The following LRP1 variants were observed in gnomAD, a reference collection of about 807,000 sequenced individuals.
LRP1 encodes prolow-density lipoprotein receptor-related protein 1.
In LRP1, 51 loss-of-function variants were observed where a neutral mutation model predicts 541.5. That is an observed-to-expected ratio of 0.09 (90% confidence interval 0.08 to 0.12). The LOEUF (loss-of-function observed/expected upper bound fraction) is 0.12, where lower values mean the gene tolerates loss of function less well. LRP1 is among the 10% of genes least tolerant of loss of function. The pLI is 1.00. For missense variants in LRP1, 3,878 were observed against 6,376.2 expected (o/e 0.61, Z 13.34); for synonymous variants, 2,219 against 2,470.8 (o/e 0.90, Z 3.02).
intron 61 of LRP1, 118 bp from the exon 62 acceptor site, chr12:57,199,759 C>T (rs1197329224): frequency 1.6e-6 from 2 of 1,243,148 alleles, no homozygotes; most frequent in African/African-American, 1.5e-5. Context: ...CCAGCTTCAG[C>T]TCCCTCCTAA....
Position 57,179,603 on chromosome 12 carries a change from C to T in LRP1, c.4966+47C>T. 1.3e-6 allele frequency: 2 copies of T among 1,550,210 alleles called. No individual in the cohort carries two copies. Among genetic ancestry groups the T allele is most frequent in the Admixed American group, 1.7e-5 (1 of 59,420 alleles). ...CCACCAGTGGACATGGGCACCTCCA[C>T]CCGCCCCTTGCTCCCAACCCTGGTC... On this transcript the variant is annotated intron_variant, in intron 29 of 88. Transcript: ENST00000243077. This position sits in a 1 kb window ranked among gnomAD's most constrained non-coding sequence, Gnocchi z 6.8.
In LRP1 at chr12:57,211,586, C is replaced by T; in HGVS notation, c.13191C>T (p.Cys4397=). 1.2e-6 allele frequency: 2 copies of T among 1,613,938 alleles called. No individual in the cohort carries two copies. The highest frequency in any genetic ancestry group is 1.7e-6 in the Non-Finnish European group (2 of 1,179,874). Residue 4397 remains cysteine, a splice_region_variant and synonymous_variant, in exon 85 of 89, where the codon TGC becomes TGT. Transcript: ENST00000243077. The surrounding 1 kb of genome is among the most constrained non-coding windows in gnomAD (Gnocchi z 4.3). ...TGAACAGCAAAATGATGCCTGAGTG[C>T]CAGTGAGTTGGGCCCGGGCTTCACC... ...CTMNSKMMPE[C]QCPPHMTGPR...
At chr12:57,171,122 G>C (rs2035936698) in intron 20 of LRP1, among the ~76,000 whole-genome samples, 1 of 152,182 alleles carries the variant, frequency 6.6e-6, no homozygotes, top group African/African-American at 2.4e-5. Context: ...AGGCTGTGTG[G>C]TGTGGTGAGA....
intron 4 of LRP1, 66 bp from the exon 5 acceptor site, chr12:57,144,893 TTGATCATGTCTGA>T: frequency 7.2e-7 from 1 of 1,383,418 alleles, no homozygotes; most frequent in Non-Finnish European, 1.0e-6. Context: ...GATGGACATG[TTGATCATGTCTGA>T]TGATCACCCA....
At chr12:57,202,372 T>C in intron 67 of LRP1, 49 bp from the exon 68 acceptor site, 2 of 1,402,912 alleles carry the variant, frequency 1.4e-6, no homozygotes, top group East Asian at 4.6e-5. Flanking sequence ...TGGACCCTAA[T>C]GTCTGCCCCA....
rs199825634 is a variant in LRP1, at chr12:57,196,132, G to A, written c.8747G>A (p.Arg2916His). 3.9e-5 allele frequency: 62 copies of A among 1,609,820 alleles called. No homozygotes were observed. The East Asian group carries it at 8.5e-4, about 22-fold the overall frequency. ...ASSQFLCSSG[R>H]CVAEALLCNG... ...TCACAGTTCCTGTGCAGCAGTGGGC[G>A]CTGTGTGGCTGAGGCACTGCTCTGC... The change falls in exon 55 of 89, where the codon CGC (arginine) becomes CAC (histidine). Residue 2916 changes from arginine (R) to histidine (H), a missense_variant. Physicochemically the swap from Arg to His is conservative, Grantham distance 29 (BLOSUM62 0). Transcript: ENST00000243077.
chr12:57,160,495 C>T (rs2035707184), intron 12 of LRP1, among the ~76,000 whole-genome samples: 1 of 152,148 alleles, frequency 6.6e-6, no homozygotes, highest in Non-Finnish European at 1.5e-5. Context: ...ACTCATGCCA[C>T]CTCCTCATGG....
chr12:57,161,157 G>C, intron 13 of LRP1, 42 bp downstream of exon 13: 2 of 1,585,672 alleles, frequency 1.3e-6, no homozygotes, highest in Middle Eastern at 3.4e-4. Context: ...TGTGTGTGTT[G>C]CTAGACCATG....
At chr12:57,172,180 C>CT (rs905079634) in intron 20 of LRP1, among the ~76,000 whole-genome samples, 35 of 142,364 alleles carry the variant, frequency 2.5e-4, no homozygotes, top group Non-Finnish European at 3.2e-4. Context: ...TCTTTTCTTT[C>CT]TTTTTTTTTT....
At chr12:57,202,732 C>A (rs2036683892) in intron 68 of LRP1, 195 bp downstream of exon 68, 1 of 606,878 alleles carries the variant, frequency 1.6e-6, no homozygotes, top group Non-Finnish European at 3.0e-6. Flanking sequence ...TGTTTCTCTC[C>A]ATTTTCACAC....
rs1592669270 is a variant in LRP1, at chr12:57,212,817, A to C, written c.*262A>C. 5 of 415,912 alleles carry C rather than the reference A, an allele frequency of 1.2e-5. No homozygotes were observed. Among genetic ancestry groups the C allele is most frequent in the East Asian group, 4.4e-5 (1 of 22,550 alleles). The allele number at this position is 415,912 out of a possible 1,614,324, so 25.8% of individuals were successfully genotyped here. ...GGGAGGGCTTGGGGCTGCACCTCCT[A>C]CCCTCCCACCAGAACGCACCCCACT... On this transcript the variant is annotated 3_prime_UTR_variant, in exon 89 of 89. Transcript: ENST00000243077. This position sits in a 1 kb window ranked among gnomAD's most constrained non-coding sequence, Gnocchi z 5.0.
rs757963812 is a variant in LRP1, at chr12:57,180,289, C to T, written c.5237-41C>T. The stretch of plus-strand genomic sequence containing the variant: ...TCTGCTCCCTTCCCTGGATCCCCAG[C>T]CCTGGGCCAGACTCCCCGGCAGTGA... On this transcript the variant is annotated intron_variant, in intron 31 of 88. Transcript: ENST00000243077. 5.0e-6 allele frequency: 8 copies of T among 1,609,868 alleles called. No homozygotes were observed. In the East Asian group the frequency reaches 1.3e-4, roughly 27 times the overall value.
chr12:57,160,036 A>T (rs2035696064), intron 12 of LRP1, 31 bp downstream of exon 12: 1 of 1,606,814 alleles, frequency 6.2e-7, no homozygotes, highest in African/African-American at 1.3e-5. Flanking sequence ...GGGTGGGAGG[A>T]GCTGGGAGTG....
intron 6 of LRP1, chr12:57,147,591 G>A (rs950329140): frequency 6.6e-6 from 1 of 152,228 alleles, no homozygotes. Flanking sequence ...TGGACCCCTG[G>A]GGCTGAGCCT....
At position 57,197,700 on chromosome 12, in the gene LRP1, C is replaced by T. The variant is rs774237345; in HGVS notation, c.9282+36C>T. 3.6e-5 allele frequency: 57 copies of T among 1,603,730 alleles called. No homozygotes were observed. The highest frequency in any genetic ancestry group is 4.5e-5 in the Non-Finnish European group (53 of 1,176,444). On this transcript the variant is annotated intron_variant, in intron 58 of 88. Transcript: ENST00000243077. The surrounding 1 kb of genome is among the most constrained non-coding windows in gnomAD (Gnocchi z 4.5). ...CGGCCCTCGGCGACCAACACTGGCC[C>T]GCCTCAGATGACTGTTTTCAGATCG...
chr12:57,161,742 A>G (rs374973736), intron 13 of LRP1, among the ~76,000 whole-genome samples: 9 of 151,992 alleles, frequency 5.9e-5, no homozygotes, highest in East Asian at 3.9e-4. Flanking sequence ...TGTTCACCCC[A>G]GCTCCTCTTC....
At position 57,203,476 on chromosome 12, in the gene LRP1, G is replaced by A. The variant is rs531186157; in HGVS notation, c.10906G>A (p.Ala3636Thr). 2.0e-5 allele frequency: 32 copies of A among 1,582,986 alleles called. No individual in the cohort carries two copies. Among genetic ancestry groups the A allele is most frequent in the South Asian group, 3.4e-5 (3 of 87,144 alleles). Reference protein sequence around the residue: ...IPLRWRCDADADCMDGSDEEA... With the variant: ...IPLRWRCDADTDCMDGSDEEA... Reference sequence around the variant, plus strand: ...CCTGCGCTGGCGCTGTGACGCAGACGCCGACTGCATGGACGGCAGCGACGA... The same window carrying A: ...CCTGCGCTGGCGCTGTGACGCAGACACCGACTGCATGGACGGCAGCGACGA... The change falls in exon 70 of 89, where the codon GCC becomes ACC. Residue 3636 changes from alanine to threonine, a missense_variant. By Grantham distance (58) the Ala-to-Thr change is moderately conservative. Transcript: ENST00000243077.
In LRP1 at chr12:57,173,826, T is replaced by C; in HGVS notation, c.3393T>C (p.Cys1131=). The change falls in exon 22 of 89, where the codon TGT becomes TGC. Residue 1131 remains cysteine, a synonymous_variant. Transcript: ENST00000243077. The surrounding 1 kb of genome is among the most constrained non-coding windows in gnomAD (Gnocchi z 4.7). ...GGGTGTGTGATGGCGACAATGACTG[T>C]GAGGATAACTCGGACGAGGAGAACT... The part of the protein sequence containing the change: ...KAWVCDGDND[C]EDNSDEENCE... 6.2e-7 allele frequency: 1 copy of C among 1,614,170 alleles called. No homozygotes were observed. Among genetic ancestry groups the C allele is most frequent in the Non-Finnish European group, 8.5e-7 (1 of 1,180,030 alleles).
chr12:57,177,363 T>G lies in LRP1; in HGVS notation c.4197-64T>G. The G allele has an allele frequency of 1.3e-6, 2 of 1,560,686 alleles. No individual in the cohort carries two copies. Among genetic ancestry groups the G allele is most frequent in the Non-Finnish European group, 8.7e-7 (1 of 1,146,682 alleles). ...GCCTCCTCCCACCCTCTACCTACGA[T>G]CCCACCACAGTCGCTCCCTGAGGGC... On this transcript the variant is annotated intron_variant, in intron 25 of 88. Transcript: ENST00000243077. The surrounding 1 kb of genome is among the most constrained non-coding windows in gnomAD (Gnocchi z 6.8).
Sources: gnomAD v4.1 joint callset for allele counts (sites outside exome capture counted in the v4.1 genomes callset) on GRCh38, gnomAD v4.1.1 for gene constraint, Gnocchi (gnomAD v3.1) non-coding constraint, MANE v1.5 for transcripts, NCBI Gene and HGNC (gene_info 2026-07-23, HGNC 2026-07-21) for gene names.